Variants in RPS6KC1 observed in about 807,000 individuals in gnomAD.
RPS6KC1 encodes inactive ribosomal protein S6 kinase delta-1.
RPS6KC1 carries 54 observed loss-of-function variants against 103.8 expected under a neutral mutation model. That is an observed-to-expected ratio of 0.52 (90% CI 0.42 to 0.65). RPS6KC1 has a LOEUF of 0.65. Ranked by LOEUF, RPS6KC1 falls within the 30% of genes least tolerant of loss-of-function variation. RPS6KC1 has a pLI of 0.00. For synonymous variants in RPS6KC1, 439 were observed against 438.7 expected (o/e 1.00, Z -0.01); for missense variants, 1,151 against 1,253.8 (o/e 0.92, Z 1.24).
the RPS6KC1 span, among the ~76,000 whole-genome samples, chr1:213,786,590 T>C: frequency 6.6e-6 from 1 of 152,212 alleles, no homozygotes; most frequent in East Asian, 1.9e-4. Context: ...GGAAATCTCA[T>C]CTGCTAACCT....
At chr1:213,323,726 G>T in the RPS6KC1 span, among the ~76,000 whole-genome samples, 1 of 151,938 alleles carries the variant, frequency 6.6e-6, no homozygotes, top group Admixed American at 6.6e-5. Flanking sequence ...AGCAGTTTTA[G>T]GTTCACACAG....
intron 8 of RPS6KC1, among the ~76,000 whole-genome samples, chr1:213,213,315 C>G (rs1441867248): frequency 1.3e-5 from 2 of 152,304 alleles, no homozygotes; most frequent in South Asian, 2.1e-4. Flanking sequence ...TGAAAGGGCT[C>G]TTTGCTCCAT....
intron 6 of RPS6KC1, among the ~76,000 whole-genome samples, chr1:213,144,094 C>T (rs1416448967): frequency 6.6e-6 from 1 of 152,004 alleles, no homozygotes; most frequent in Non-Finnish European, 1.5e-5. Context: ...AACCCTTAAC[C>T]TTAATCACAT....
intron 6 of RPS6KC1, among the ~76,000 whole-genome samples, chr1:213,137,911 G>A (rs2086571978): frequency 6.8e-6 from 1 of 146,760 alleles, no homozygotes; most frequent in Non-Finnish European, 1.5e-5. Context: ...GGGGGCCCTG[G>A]GAGTGCTGTT....
intron 8 of RPS6KC1, among the ~76,000 whole-genome samples, chr1:213,181,678 C>G (rs937714826): frequency 3.9e-5 from 6 of 152,102 alleles, no homozygotes; most frequent in African/African-American, 1.4e-4. Flanking sequence ...AAGGACATAG[C>G]ACAACATTTT....
chr1:213,167,386 C>T (rs975986203), intron 6 of RPS6KC1, among the ~76,000 whole-genome samples: 73 of 149,056 alleles, frequency 4.9e-4, no homozygotes, highest in Non-Finnish European at 4.4e-5. Context: ...GTTCAGCAAA[C>T]CAGGAAACAT....
the RPS6KC1 span, among the ~76,000 whole-genome samples, chr1:213,785,948 G>A: frequency 6.6e-6 from 1 of 152,174 alleles, no homozygotes; most frequent in East Asian, 1.9e-4. Flanking sequence ...TTTCCCTTTA[G>A]TTAAGACTTT....
chr1:213,786,186 C>A, the RPS6KC1 span, among the ~76,000 whole-genome samples: 1 of 152,070 alleles, frequency 6.6e-6, no homozygotes, highest in Admixed American at 6.6e-5. Flanking sequence ...AGGAAGTTGG[C>A]GGGAGATGAG....
intron 3 of RPS6KC1, among the ~76,000 whole-genome samples, chr1:213,100,301 GGGGCTGGAGTTCT>G (rs2081906135): frequency 6.6e-6 from 1 of 151,656 alleles, no homozygotes; most frequent in South Asian, 2.1e-4. Flanking sequence ...TCTATTTTGT[GGGGCTGGAGTTCT>G]TTGTATATCT....
At chr1:213,478,857 T>C in the RPS6KC1 span, among the ~76,000 whole-genome samples, 1 of 152,124 alleles carries the variant, frequency 6.6e-6, no homozygotes, top group Non-Finnish European at 1.5e-5. Flanking sequence ...TAGTTTCTTC[T>C]GTAGTCCAAT....
chr1:213,583,492 G>A, the RPS6KC1 span, among the ~76,000 whole-genome samples: 1 of 152,122 alleles, frequency 6.6e-6, no homozygotes, highest in Non-Finnish European at 1.5e-5. Flanking sequence ...GCAAATCTGA[G>A]TGTATGTAAG....
At chr1:213,343,385 TTG>T in the RPS6KC1 span, among the ~76,000 whole-genome samples, 629 of 72,050 alleles carry the variant, frequency 8.7e-3, 51 homozygotes, top group African/African-American at 0.041. Context: ...TTTTTCAGTG[TTG>T]TGTGTATATA....
At chr1:213,859,874 A>G in the RPS6KC1 span, among the ~76,000 whole-genome samples, 2 of 152,120 alleles carry the variant, frequency 1.3e-5, no homozygotes, top group South Asian at 4.1e-4. Flanking sequence ...AATGCAGTTG[A>G]TGTATGCTTA....
chr1:213,117,372 A>T lies in RPS6KC1; in HGVS notation c.434A>T (p.Asp145Val). Residue 145 changes from aspartate (D) to valine (V), a missense_variant, in exon 5 of 15, where the codon GAT (aspartate) becomes GTT (valine). By Grantham distance (152) the Asp-to-Val change is radical. Coordinates refer to ENST00000366960, the MANE Select transcript of RPS6KC1 (RefSeq NM_012424.6). ...ELIGPAEAHS[D>V]SLIDTFPECS... The stretch of plus-strand genomic sequence containing the variant: ...ATTGGTCCTGCTGAAGCTCACTCAG[A>T]TTCCCTCATTGATACCTTTCCTGAG... 6.2e-7 allele frequency: 1 copy of T among 1,610,936 alleles called. No homozygotes were observed. The highest frequency in any genetic ancestry group is 8.5e-7 in the Non-Finnish European group (1 of 1,177,502).
chr1:213,571,949 C>T, the RPS6KC1 span, among the ~76,000 whole-genome samples: 1 of 152,196 alleles, frequency 6.6e-6, no homozygotes, highest in Middle Eastern at 3.2e-3. Flanking sequence ...TGCTGCTGGG[C>T]CTTGAACCAC....
the RPS6KC1 span, among the ~76,000 whole-genome samples, chr1:213,678,506 T>C: frequency 1.3e-5 from 2 of 152,216 alleles, no homozygotes; most frequent in Non-Finnish European, 2.9e-5. Flanking sequence ...AGCCCATCTG[T>C]AAGGTCAGAG....
At chr1:213,788,893 TCA>T in the RPS6KC1 span, among the ~76,000 whole-genome samples, 2,394 of 151,806 alleles carry the variant, frequency 0.016, 69 homozygotes, top group African/African-American at 0.055. Context: ...TTCCTCAGTT[TCA>T]CACACACACA....
At chr1:213,768,796 T>G in the RPS6KC1 span, among the ~76,000 whole-genome samples, 1 of 152,186 alleles carries the variant, frequency 6.6e-6, no homozygotes. Context: ...AAATTCAAGT[T>G]TTGAAGAGAG....
At chr1:213,155,727 G>A (rs2089812334) in intron 6 of RPS6KC1, among the ~76,000 whole-genome samples, 1 of 152,076 alleles carries the variant, frequency 6.6e-6, no homozygotes, top group South Asian at 2.1e-4. Context: ...GGTACTATGA[G>A]TACTCACCTG....
Sources: allele counts gnomAD v4.1 joint callset (sites outside exome capture counted in the v4.1 genomes callset), GRCh38; gene constraint gnomAD v4.1.1; transcripts MANE v1.5; gene names NCBI Gene and HGNC (gene_info 2026-07-23, HGNC 2026-07-21).